KLC4: variants seen among roughly 807,000 people sequenced by gnomAD.
KLC4 encodes kinesin-like protein 8.
A neutral mutation model predicts 77.2 loss-of-function variants in KLC4; 49 were observed. The observed-to-expected ratio is 0.63, with a 90% CI of 0.50 to 0.80. The LOEUF is 0.80. Among genes scored for constraint, KLC4 ranks in the 30% least tolerant of loss-of-function variants. The pLI is 0.00. For missense variants in KLC4, 669 were observed against 793.5 expected (o/e 0.84, Z 1.89); for synonymous variants, 274 against 314.5 (o/e 0.87, Z 1.36).
intron 4 of KLC4, 134 bp downstream of exon 4, chr6:43,065,835 TG>T: frequency 1.5e-6 from 1 of 646,546 alleles, no homozygotes; most frequent in Non-Finnish European, 2.7e-6. Context: ...GGGCAGGGGC[TG>T]GGCTAGTACT....
At chr6:43,063,448 G>A (rs201857136) in intron 3 of KLC4, among the ~76,000 whole-genome samples, 37 of 152,160 alleles carry the variant, frequency 2.4e-4, no homozygotes, top group East Asian at 5.8e-4. Flanking sequence ...GAGGGAGATA[G>A]ATAAGCACCT....
Position 43,065,712 on chromosome 6 carries a change from C to T in KLC4, c.571+11C>T. On this transcript the variant is annotated intron_variant, in intron 4 of 15. Transcript: ENST00000347162. ...ACCCCAGCAATGGCTGTGAGTCTGC[C>T]TCTGGAATGGGAGGGTGAAAAGGGG... 1 of 1,601,120 alleles carries T rather than the reference C, an allele frequency of 6.2e-7. No individual in the cohort carries two copies. The highest frequency in any genetic ancestry group is 8.6e-7 in the Non-Finnish European group (1 of 1,168,734).
At chr6:43,064,277 A>T (rs908108819) in intron 3 of KLC4, among the ~76,000 whole-genome samples, 2 of 152,238 alleles carry the variant, frequency 1.3e-5, no homozygotes, top group Non-Finnish European at 2.9e-5. Flanking sequence ...TCACAGAGAA[A>T]TGTCTCTGAG....
rs979934708 is a variant in KLC4, at chr6:43,060,707, A to G, written c.-25-604A>G. 41 of 842,370 alleles carry G rather than the reference A, an allele frequency of 4.9e-5. No individual in the cohort carries two copies. In the African/African-American group the frequency reaches 7.6e-4, roughly 16 times the overall value. The allele number at this position is 842,370 out of a possible 1,614,324, so 52.2% of individuals were successfully genotyped here. ...AGTATGGGTTGAAGGTTAGTGGGAA[A>G]ATATGCAGGGCTGACCAGGTTTGGA... On this transcript the variant is annotated intron_variant, in intron 1 of 15. Coordinates refer to ENST00000347162, the MANE Select transcript of KLC4 (RefSeq NM_201521.3).
intron 3 of KLC4, among the ~76,000 whole-genome samples, chr6:43,064,854 G>A (rs1358323403): frequency 1.3e-5 from 2 of 152,166 alleles, no homozygotes; most frequent in African/African-American, 2.4e-5. Flanking sequence ...GACAGTGAGG[G>A]AGGGTTACGT....
At chr6:43,062,682 A>C (rs1765222016) in intron 2 of KLC4, 3 of 563,960 alleles carry the variant, frequency 5.3e-6, no homozygotes. Context: ...CCAGTGAGGA[A>C]GTTATTGTAA....
Position 43,067,919 on chromosome 6 carries a change from T to C in KLC4, c.879+836T>C, listed in dbSNP as rs1268187237. Among the ~76,000 whole-genome samples, 13 of 116,744 alleles carry C rather than the reference T, an allele frequency of 1.1e-4. 1 individual carries two copies. Among genetic ancestry groups the C allele is most frequent in the Admixed American group, 5.0e-4 (6 of 12,070 alleles). 76.6% of individuals were successfully genotyped at this position (116,744 alleles called of 152,430 possible). Reference sequence around the variant, plus strand: ...CGAGGTCAGGAGATCGAGACCATCCTGGCTAAAACGGTGAAACCCCGTCTC... The same window carrying C: ...CGAGGTCAGGAGATCGAGACCATCCCGGCTAAAACGGTGAAACCCCGTCTC... On this transcript the variant is annotated intron_variant, in intron 6 of 15. Transcript: ENST00000347162.
rs1582030413 is a variant in KLC4, at chr6:43,073,886, C to T, written c.1746-16C>T. 1 of 1,613,836 alleles carries T rather than the reference C, an allele frequency of 6.2e-7. No individual in the cohort carries two copies. The highest frequency in any genetic ancestry group is 1.1e-5 in the South Asian group (1 of 91,080). On this transcript the variant is annotated splice_polypyrimidine_tract_variant and intron_variant, in intron 14 of 15. Coordinates refer to ENST00000347162, the MANE Select transcript of KLC4 (RefSeq NM_201521.3). Reference sequence around the variant, plus strand: ...AGGAAGAGAGGAGGCCTCAATTCTTCCGTTTTCCATTGTAGCAGCAACATG... The same window carrying T: ...AGGAAGAGAGGAGGCCTCAATTCTTTCGTTTTCCATTGTAGCAGCAACATG...
At position 43,067,087 on chromosome 6, in the gene KLC4, A is replaced by G. The variant is rs1422877399; in HGVS notation, c.879+4A>G. 1 of 1,613,960 alleles carries G rather than the reference A, an allele frequency of 6.2e-7. No homozygotes were observed. Among genetic ancestry groups the G allele is most frequent in the African/African-American group, 1.3e-5 (1 of 74,908 alleles). On this transcript the variant is annotated splice_donor_region_variant and intron_variant, in intron 6 of 15. Coordinates refer to ENST00000347162, the MANE Select transcript of KLC4 (RefSeq NM_201521.3). The stretch of plus-strand genomic sequence containing the variant: ...CTTGGGACCTGACCATCCTGCTGTC[A>G]GTATTCCTTGCCCTCCCCACCCCAC...
At chr6:43,071,235 C>T in intron 8 of KLC4, 40 bp from the exon 9 acceptor site, 2 of 1,277,436 alleles carry the variant, frequency 1.6e-6, no homozygotes, top group Middle Eastern at 1.9e-4. Context: ...TTGCCTCCCT[C>T]CATGTTTTGT....
At chr6:43,071,090 G>A (rs902336065) in intron 8 of KLC4, among the ~76,000 whole-genome samples, 185 bp from the exon 9 acceptor site, 6 of 151,720 alleles carry the variant, frequency 4.0e-5, no homozygotes, top group African/African-American at 1.5e-4. Flanking sequence ...GGAGTGGGCT[G>A]GGAATACCCT....
chr6:43,073,134 G>T (rs1765812146), intron 13 of KLC4, 89 bp from the exon 14 acceptor site: 1 of 1,323,100 alleles, frequency 7.6e-7, no homozygotes, highest in African/African-American at 1.5e-5. Context: ...GGGGGTGGGG[G>T]ATGTGTGCAG....
At chr6:43,071,753 G>T in intron 10 of KLC4, 99 bp from the exon 11 acceptor site, 1 of 1,471,118 alleles carries the variant, frequency 6.8e-7, no homozygotes, top group Non-Finnish European at 9.4e-7. Flanking sequence ...CCCCAGCCCA[G>T]CCTGCACCCT....
intron 11 of KLC4, 64 bp from the exon 12 acceptor site, chr6:43,072,083 A>C (rs1191963225): frequency 6.8e-7 from 1 of 1,473,698 alleles, no homozygotes; most frequent in African/African-American, 1.4e-5. Flanking sequence ...TCTTGCTTGG[A>C]AGACAAATGT....
In KLC4 at chr6:43,070,717, T is replaced by C. The variant is rs747701209; in HGVS notation, c.1007T>C (p.Val336Ala). 1.9e-6 allele frequency: 3 copies of C among 1,613,724 alleles called. No homozygotes were observed. In the South Asian group the frequency reaches 3.3e-5, roughly 18 times the overall value. Reference protein sequence around the residue: ...EKVLGTNHPDVAKQLNNLALL... With the variant: ...EKVLGTNHPDAAKQLNNLALL... ...GTCCTGGGCACGAATCATCCAGATG[T>C]GGCAAAACAGCTGAACAACCTGGCC... The change falls in exon 8 of 16, where the codon GTG becomes GCG. Residue 336 changes from valine to alanine, a missense_variant. Transcript: ENST00000347162.
rs761472407 is a variant in KLC4 at position 43,061,443 on chromosome 6, A to T, written c.108A>T (p.Leu36=). ...TGGTCAGCCAAGGGCTAGAGGCCCT[A>T]CGCAGTGAACACCAGGCCGTGCTGC... ...TRLVSQGLEA[L]RSEHQAVLQS... The change falls in exon 2 of 16, where the codon CTA becomes CTT. Residue 36 remains leucine (L), a synonymous_variant. Coordinates refer to ENST00000347162, the MANE Select transcript of KLC4 (RefSeq NM_201521.3). The T allele has an allele frequency of 6.2e-7, 1 of 1,614,216 alleles. No homozygotes were observed. Among genetic ancestry groups the T allele is most frequent in the Non-Finnish European group, 8.5e-7 (1 of 1,180,032 alleles).
At chr6:43,069,644 G>C (rs1354805448) in intron 6 of KLC4, among the ~76,000 whole-genome samples, 1 of 151,362 alleles carries the variant, frequency 6.6e-6, no homozygotes, top group Non-Finnish European at 1.5e-5. Context: ...TCCACCTCCC[G>C]GGTTCAAGCA....
chr6:43,074,134 G>A (rs1157423795), intron 15 of KLC4, among the ~76,000 whole-genome samples, 169 bp downstream of exon 15: 1 of 152,148 alleles, frequency 6.6e-6, no homozygotes, highest in African/African-American at 2.4e-5. Context: ...GGTGAGTGCT[G>A]ACCACCAAGG....
rs1765727710 is a variant in KLC4, at chr6:43,071,576, A to G, written c.1265A>G (p.Lys422Arg). Residue 422 changes from lysine (K) to arginine (R), a missense_variant, in exon 10 of 16, where the codon AAG (lysine) becomes AGG (arginine). Transcript: ENST00000347162. The part of the protein sequence containing the change: ...QEFGSVDDDH[K>R]PIWMHAEERE... ...CATGTATCACCCCTAGATGACCACA[A>G]GCCCATCTGGATGCATGCAGAGGAG... 3.1e-6 allele frequency: 5 copies of G among 1,613,522 alleles called. No homozygotes were observed. Among genetic ancestry groups the G allele is most frequent in the Non-Finnish European group, 2.5e-6 (3 of 1,179,886 alleles).
Sources: gnomAD v4.1 joint callset for allele counts (sites outside exome capture counted in the v4.1 genomes callset) on GRCh38, gnomAD v4.1.1 for gene constraint, MANE v1.5 for transcripts, NCBI Gene and HGNC (gene_info 2026-07-23, HGNC 2026-07-21) for gene names.